EFR3B: variants seen among roughly 807,000 people sequenced by gnomAD.
EFR3B encodes protein EFR3 homolog B.
In EFR3B, 64 loss-of-function variants were observed where a neutral mutation model predicts 104.7. The ratio of observed to expected loss-of-function variants is 0.61; its 90% CI spans 0.50 to 0.75. EFR3B has a LOEUF of 0.75. Among genes scored for constraint, EFR3B ranks in the 30% least tolerant of loss-of-function variants. The pLI, the probability that EFR3B is intolerant of heterozygous loss-of-function variation, is 0.00. For missense variants in EFR3B, 750 were observed against 1,078.5 expected, an observed-to-expected ratio of 0.70 and a Z score of 4.27; for synonymous variants, 385 against 417.9, an observed-to-expected ratio of 0.92 and a Z score of 0.96.
intron 19 of EFR3B, among the ~76,000 whole-genome samples, chr2:25,148,697 C>T (rs1670910524): frequency 1.3e-5 from 2 of 150,330 alleles, no homozygotes; most frequent in South Asian, 2.1e-4. Context: ...CCAAGGCAGG[C>T]GGATCACGAG....
In EFR3B at chr2:25,116,781, A is replaced by T. The variant is rs1285153980; in HGVS notation, c.364-4892A>T. Among the ~76,000 whole-genome samples, 4 of 152,198 alleles carry T rather than the reference A, an allele frequency of 2.6e-5. No individual in the cohort carries two copies. The East Asian group carries it at 7.7e-4, about 29-fold the overall frequency. On this transcript the variant is annotated intron_variant, in intron 4 of 22. Transcript: ENST00000403714. ...GCTGTGGCTGACCCGCTTGGGACAG[A>T]TTCAGGAGAAACTGCTGACCTGGTC...
intron 1 of EFR3B, chr2:25,080,181 T>A: frequency 6.4e-7 from 1 of 1,556,822 alleles, no homozygotes; most frequent in Non-Finnish European, 8.8e-7. Context: ...GAATAGCCAG[T>A]ACCTTTTTAT....
At chr2:25,142,190 C>A (rs1225569770) in intron 17 of EFR3B, among the ~76,000 whole-genome samples, 1 of 152,150 alleles carries the variant, frequency 6.6e-6, no homozygotes, top group Non-Finnish European at 1.5e-5. Context: ...CGCCTGTAAT[C>A]CCAGCACTTT....
chr2:25,128,386 T>C, intron 6 of EFR3B, 54 bp downstream of exon 6: 1 of 1,545,018 alleles, frequency 6.5e-7, no homozygotes, highest in South Asian at 1.2e-5. Flanking sequence ...CTCCAAGGGC[T>C]GCTTGGGAAC....
Position 25,080,283 on chromosome 2 carries a change from C to CTTTTTTTTTTTTT in EFR3B, c.8-11026_8-11014dup. Reference sequence around the variant, plus strand: ...AGCTGGCTGGAGTCCCTCCCCAAAGCTTTTTTTTTTTTTTTTTTTTTTTTT... The same window carrying CTTTTTTTTTTTTT: ...AGCTGGCTGGAGTCCCTCCCCAAAGCTTTTTTTTTTTTTTTTTTTTTTTTTTTTTTTTTTTTTT... On this transcript the variant is annotated intron_variant, in intron 1 of 22. Transcript: ENST00000403714. The CTTTTTTTTTTTTT allele has an allele frequency of 1.3e-3, 198 of 154,960 alleles. 18 individuals carry two copies. Among genetic ancestry groups the CTTTTTTTTTTTTT allele is most frequent in the African/African-American group, 4.7e-3 (36 of 7,616 alleles). 9.6% of individuals were successfully genotyped at this position (154,960 alleles called of 1,614,324 possible). A position where few individuals can be genotyped will look rare whatever the true frequency, so the allele number is the denominator to read the frequency against.
chr2:25,093,459 A>G (rs1669191661), intron 3 of EFR3B, among the ~76,000 whole-genome samples: 1 of 152,050 alleles, frequency 6.6e-6, no homozygotes, highest in South Asian at 2.1e-4. Flanking sequence ...GTGCCACTGC[A>G]TTCCAACATG....
In EFR3B at chr2:25,151,980, A is replaced by C. The variant is rs1671022779; in HGVS notation, c.2258A>C (p.Lys753Thr). The change falls in exon 21 of 23, where the codon AAG becomes ACG. Residue 753 changes from lysine (K) to threonine (T), a missense_variant. Coordinates refer to ENST00000403714, the MANE Select transcript of EFR3B (RefSeq NM_014971.2). The part of the protein sequence containing the change: ...RRRQVVEKFQ[K>T]APFEEIAAHC... The stretch of plus-strand genomic sequence containing the variant: ...CGGCAGGTGGTGGAGAAGTTCCAGA[A>C]GGCACCCTTCGAGGAGATTGCTGCA... The C allele has an allele frequency of 3.2e-6, 5 of 1,551,704 alleles. No individual in the cohort carries two copies. Among genetic ancestry groups the C allele is most frequent in the Non-Finnish European group, 4.4e-6 (5 of 1,147,006 alleles).
chr2:25,150,974 C>T (rs1670988027), intron 20 of EFR3B, among the ~76,000 whole-genome samples: 2 of 151,344 alleles, frequency 1.3e-5, no homozygotes, highest in South Asian at 4.2e-4. Context: ...AATCCCAGCA[C>T]TTTGGGAGGC....
Position 25,042,442 on chromosome 2 carries a change from C to A in EFR3B, c.7+123C>A. 1.6e-6 allele frequency: 2 copies of A among 1,213,720 alleles called. No individual in the cohort carries two copies. The highest frequency in any genetic ancestry group is 4.2e-5 in the South Asian group (1 of 23,814). 75.2% of individuals were successfully genotyped at this position (1,213,720 alleles called of 1,614,324 possible). On this transcript the variant is annotated intron_variant, in intron 1 of 22. Coordinates refer to ENST00000403714, the MANE Select transcript of EFR3B (RefSeq NM_014971.2). The surrounding 1 kb of genome is among the most constrained non-coding windows in gnomAD (Gnocchi z 5.4). ...GCCAGGCCGCTGACCTGGTGCCCGG[C>A]GGGGCTGTTGCGGTCGCTCTGTGCG...
intron 4 of EFR3B, among the ~76,000 whole-genome samples, chr2:25,108,549 C>A (rs1407200491): frequency 6.6e-6 from 1 of 152,114 alleles, no homozygotes; most frequent in African/African-American, 2.4e-5. Context: ...CAAAATAGAT[C>A]AAAGCCCTAA....
intron 16 of EFR3B, 146 bp downstream of exon 16, chr2:25,139,336 C>T: frequency 9.3e-7 from 1 of 1,079,858 alleles, no homozygotes; most frequent in Non-Finnish European, 1.3e-6. Flanking sequence ...TGAGAAGTTA[C>T]TCGTGGCATC....
chr2:25,128,149 A>G, intron 5 of EFR3B, 34 bp from the exon 6 acceptor site: 1 of 1,550,942 alleles, frequency 6.4e-7, no homozygotes, highest in Non-Finnish European at 8.7e-7. Context: ...GGGCTAGAGG[A>G]CTTCCGAGTC....
At chr2:25,118,147 T>C (rs959324256) in intron 4 of EFR3B, among the ~76,000 whole-genome samples, 1 of 151,888 alleles carries the variant, frequency 6.6e-6, no homozygotes. Flanking sequence ...GCCTGGCAAA[T>C]TTTTTGTATT....
chr2:25,098,963 C>T (rs2118827), intron 3 of EFR3B, among the ~76,000 whole-genome samples: 1 of 148,536 alleles, frequency 6.7e-6, no homozygotes, highest in Non-Finnish European at 1.5e-5. Context: ...TGAGTTTCTT[C>T]TCTTGCCCAA....
Position 25,130,487 on chromosome 2 carries a change from T to G in EFR3B, c.771-65T>G. 7.2e-7 allele frequency: 1 copy of G among 1,384,742 alleles called. No homozygotes were observed. Among genetic ancestry groups the G allele is most frequent in the Non-Finnish European group, 1.0e-6 (1 of 994,974 alleles). The allele number at this position is 1,384,742 out of a possible 1,614,324, so 85.8% of individuals were successfully genotyped here. A position where few individuals can be genotyped will look rare whatever the true frequency, so the allele number is the denominator to read the frequency against. ...AGAAGGTGTCCCTCTGCCTCCAAGC[T>G]AATCTCTTCTCCCTAACACTGCCGG... is the stretch of plus-strand genomic sequence containing the variant. On this transcript the variant is annotated intron_variant, in intron 7 of 22. Coordinates refer to ENST00000403714, the MANE Select transcript of EFR3B (RefSeq NM_014971.2). The surrounding 1 kb of genome is among the most constrained non-coding windows in gnomAD (Gnocchi z 4.6).
chr2:25,068,976 C>G (rs1202570458), intron 1 of EFR3B, among the ~76,000 whole-genome samples: 1 of 148,486 alleles, frequency 6.7e-6, no homozygotes, highest in Non-Finnish European at 1.5e-5. Flanking sequence ...CTCTGTCACC[C>G]AGGCTGGAAT....
At chr2:25,153,864 C>T (rs1671087041) in intron 22 of EFR3B, 103 bp downstream of exon 22, 1 of 1,155,122 alleles carries the variant, frequency 8.7e-7, no homozygotes, top group African/African-American at 1.5e-5. Flanking sequence ...CTCCTCCCCA[C>T]CTCCTTCTAC....
chr2:25,110,001 G>T (rs1028807709), intron 4 of EFR3B, among the ~76,000 whole-genome samples: 2 of 152,142 alleles, frequency 1.3e-5, no homozygotes, highest in African/African-American at 4.8e-5. Context: ...AGGTTGGGGG[G>T]AGGGCGGCTC....
Position 25,137,436 on chromosome 2 carries a change from C to T in EFR3B, c.1656C>T (p.Leu552=). Residue 552 remains leucine, a synonymous_variant, in exon 15 of 23, where the codon CTC becomes CTT. Transcript: ENST00000403714. The surrounding 1 kb of genome is among the most constrained non-coding windows in gnomAD (Gnocchi z 4.7). The stretch of plus-strand genomic sequence containing the variant: ...AGGCGCTCTATGGCTTGCTGGCCCT[C>T]ATCAGCATCGAGCTGGCTAACGAGG... ...HYEALYGLLA[L]ISIELANEEV... The T allele has an allele frequency of 6.4e-7, 1 of 1,551,778 alleles. No individual in the cohort carries two copies. Among genetic ancestry groups the T allele is most frequent in the Non-Finnish European group, 8.7e-7 (1 of 1,147,008 alleles).
Sources: gnomAD v4.1 joint callset for allele counts (sites outside exome capture counted in the v4.1 genomes callset) on GRCh38, gnomAD v4.1.1 for gene constraint, Gnocchi (gnomAD v3.1) non-coding constraint, MANE v1.5 for transcripts, NCBI Gene and HGNC (gene_info 2026-07-23, HGNC 2026-07-21) for gene names.